The following MAP4K4 variants were observed in gnomAD, a reference collection of about 807,000 sequenced individuals.
The protein encoded by MAP4K4 is mitogen-activated protein kinase kinase kinase kinase 4, also known as HPK/GCK-like kinase HGK.
In MAP4K4, 38 loss-of-function variants were observed where a neutral mutation model predicts 189.6. That is an observed-to-expected ratio of 0.20 (90% CI 0.15 to 0.26). The LOEUF is 0.26. Among genes scored for constraint, MAP4K4 ranks in the 10% least tolerant of loss-of-function variants. The pLI, the probability that MAP4K4 is intolerant of heterozygous loss-of-function variation, is 1.00. For synonymous variants in MAP4K4, 610 were observed against 624.3 expected (o/e 0.98, Z 0.34); for missense variants, 1,054 against 1,726.9 (o/e 0.61, Z 6.91).
intron 2 of MAP4K4, 79 bp from the exon 3 acceptor site, chr2:101,790,641 G>T: frequency 1.0e-6 from 1 of 988,264 alleles, no homozygotes; most frequent in Non-Finnish European, 1.6e-6. Context: ...ACGATTTGTT[G>T]GAAACTTCAG....
intron 5 of MAP4K4, among the ~76,000 whole-genome samples, chr2:101,828,703 A>G (rs1426675135): frequency 6.6e-6 from 1 of 152,244 alleles, no homozygotes; most frequent in Non-Finnish European, 1.5e-5. Flanking sequence ...GAGACATTTT[A>G]GAGTAAATAG....
intron 12 of MAP4K4, among the ~76,000 whole-genome samples, chr2:101,848,020 G>T (rs1476233193): frequency 6.6e-6 from 1 of 152,126 alleles, no homozygotes; most frequent in Non-Finnish European, 1.5e-5. Flanking sequence ...TCCTGTGCAG[G>T]TTTGTAGCCT....
chr2:101,870,413 C>G (rs890869657), exon 23 of MAP4K4: 2 of 1,613,436 alleles, frequency 1.2e-6, no homozygotes, highest in African/African-American at 2.7e-5. Context: ...AATCGTCCGC[C>G]AGGTACCCGT....
chr2:101,790,752 C>T (rs933634860), exon 3 of MAP4K4: 2 of 1,610,652 alleles, frequency 1.2e-6, no homozygotes, highest in African/African-American at 2.7e-5. Context: ...AGTTGGCAGC[C>T]ATCAAAGTTA....
intron 6 of MAP4K4, among the ~76,000 whole-genome samples, chr2:101,830,699 C>T (rs974971970): frequency 2.0e-5 from 3 of 152,162 alleles, no homozygotes; most frequent in Non-Finnish European, 2.9e-5. Context: ...CCAAATGACT[C>T]AGTGAGTTGT....
chr2:101,874,323 C>T, intron 26 of MAP4K4, 71 bp downstream of exon 26: 2 of 1,379,894 alleles, frequency 1.4e-6, no homozygotes, highest in South Asian at 2.7e-5. Flanking sequence ...TAGAGAAGTA[C>T]TGCATTGAAT....
At chr2:101,851,418 A>G (rs1398974102) in intron 12 of MAP4K4, among the ~76,000 whole-genome samples, 2 of 152,196 alleles carry the variant, frequency 1.3e-5, no homozygotes, top group African/African-American at 2.4e-5. Flanking sequence ...TGTTATTTGC[A>G]ATCATAGGCA....
At chr2:101,872,708 G>A (rs1020086102) in intron 24 of MAP4K4, among the ~76,000 whole-genome samples, 5 of 152,156 alleles carry the variant, frequency 3.3e-5, no homozygotes, top group African/African-American at 1.2e-4. Flanking sequence ...AGATGTTCAG[G>A]TGGGAAGCTT....
At chr2:101,881,931 ATTAT>A (rs928748751) in intron 27 of MAP4K4, among the ~76,000 whole-genome samples, 4 of 152,134 alleles carry the variant, frequency 2.6e-5, no homozygotes, top group Admixed American at 2.0e-4. Flanking sequence ...CCATTCAGAC[ATTAT>A]TGTTTCCTGT....
intron 3 of MAP4K4, among the ~76,000 whole-genome samples, chr2:101,804,826 A>G (rs780523736): frequency 2.0e-4 from 30 of 152,146 alleles, no homozygotes; most frequent in Non-Finnish European, 3.2e-4. Flanking sequence ...TTACGCCTGT[A>G]ATCCCAGCAC....
chr2:101,892,731 TTC>T (rs1181341864), exon 33 of MAP4K4: 2 of 364,132 alleles, frequency 5.5e-6, no homozygotes, highest in Admixed American at 3.5e-5. Context: ...TGCTCTCTTG[TTC>T]TCTGTTTTTT....
At chr2:101,890,947 C>T (rs749090514) in intron 32 of MAP4K4, among the ~76,000 whole-genome samples, 3 of 151,450 alleles carry the variant, frequency 2.0e-5, no homozygotes, top group Non-Finnish European at 4.4e-5. Context: ...TGGGTTTTGT[C>T]ATGTTGGCCA....
chr2:101,859,093 G>A lies in MAP4K4; in HGVS notation c.1482+11G>A, dbSNP rs2097559052. On this transcript the variant is annotated intron_variant, in intron 14 of 32. Coordinates refer to ENST00000324219, the Ensembl canonical transcript of MAP4K4. ...CAGGCCATGTTACTGGTAAAGCCCCGCCTCTGTTTCATTCTGTAGCATCAG... is the reference window on the plus strand; with the variant it reads ...CAGGCCATGTTACTGGTAAAGCCCCACCTCTGTTTCATTCTGTAGCATCAG... 6 of 1,607,306 alleles carry A rather than the reference G, an allele frequency of 3.7e-6. No homozygotes were observed. The highest frequency in any genetic ancestry group is 4.3e-6 in the Non-Finnish European group (5 of 1,175,516).
chr2:101,833,186 T>C (rs2096638672), intron 7 of MAP4K4, among the ~76,000 whole-genome samples: 1 of 152,256 alleles, frequency 6.6e-6, no homozygotes, highest in Non-Finnish European at 1.5e-5. Flanking sequence ...AACTTTGTAA[T>C]GTAAGTGTAG....
At chr2:101,698,367 A>C in intron 1 of MAP4K4, 106 bp from the exon 2 acceptor site, 3 of 1,089,158 alleles carry the variant, frequency 2.8e-6, no homozygotes, top group East Asian at 2.5e-5. Flanking sequence ...GCGCGGGGCG[A>C]AGCCCACCTC....
chr2:101,828,916 A>T lies in MAP4K4; in HGVS notation c.418-588A>T, dbSNP rs191227576. Among the ~76,000 whole-genome samples the T allele has an allele frequency of 1.8e-3, 273 of 152,346 alleles. 1 individual carries two copies. Among genetic ancestry groups the T allele is most frequent in the Non-Finnish European group, 9.4e-4 (64 of 68,036 alleles). ...ATACAAGGTCATCAAAAAGTGTTAT[A>T]TGCCCAGTAGGTTTGTTTCCTTGGG... On this transcript the variant is annotated intron_variant, in intron 5 of 32. Coordinates refer to ENST00000324219, the Ensembl canonical transcript of MAP4K4.
chr2:101,842,809 T>C (rs557868129), intron 11 of MAP4K4, 128 bp downstream of exon 11: 1 of 598,032 alleles, frequency 1.7e-6, no homozygotes, highest in Non-Finnish European at 2.9e-6. Flanking sequence ...TCTTACTATC[T>C]CCATTCTTCT....
chr2:101,761,955 A>G (rs2076659077), intron 2 of MAP4K4, among the ~76,000 whole-genome samples: 1 of 152,214 alleles, frequency 6.6e-6, no homozygotes, highest in African/African-American at 2.4e-5. Context: ...TAATTGGAGA[A>G]CAGTGGGTTA....
At chr2:101,859,172 T>C in intron 14 of MAP4K4, 90 bp downstream of exon 14, 2 of 1,264,458 alleles carry the variant, frequency 1.6e-6, no homozygotes, top group Non-Finnish European at 2.2e-6. Flanking sequence ...ACCAGACCAT[T>C]TTGGTTTTGC....
Sources: gnomAD v4.1 joint callset for allele counts (sites outside exome capture counted in the v4.1 genomes callset) on GRCh38, gnomAD v4.1.1 for gene constraint, MANE v1.5 for transcripts, NCBI Gene and HGNC (gene_info 2026-07-23, HGNC 2026-07-21) for gene names.